ANAPC10: variants seen among roughly 807,000 people sequenced by gnomAD.
The protein encoded by ANAPC10 is anaphase-promoting complex subunit 10.
ANAPC10 carries 12 observed loss-of-function variants against 22.0 expected under a neutral mutation model. That is an observed-to-expected ratio of 0.55 (90% CI 0.35 to 0.88). The LOEUF (loss-of-function observed/expected upper bound fraction) is 0.88, where lower values mean the gene tolerates loss of function less well. ANAPC10 is among the 40% of genes least tolerant of loss of function. The pLI is 0.01. For synonymous variants in ANAPC10, 65 were observed against 69.5 expected (o/e 0.94, Z 0.32); for missense variants, 188 against 220.9 (o/e 0.85, Z 0.94).
chr4:145,035,106 T>C (rs900037127), intron 4 of ANAPC10: 3 of 152,246 alleles, frequency 2.0e-5, no homozygotes, highest in Admixed American at 2.0e-4. Context: ...ACACAAGAGT[T>C]CTTTTCATGC....
chr4:145,054,608 T>C (rs1741675365), intron 4 of ANAPC10, among the ~76,000 whole-genome samples: 2 of 22,136 alleles, frequency 9.0e-5, no homozygotes, highest in East Asian at 3.6e-3. Context: ...CTGAATAGTG[T>C]GTGTGTGTGT....
intron 4 of ANAPC10, among the ~76,000 whole-genome samples, chr4:145,055,265 TA>T (rs966251554): frequency 6.6e-6 from 1 of 151,696 alleles, no homozygotes; most frequent in Non-Finnish European, 1.5e-5. Context: ...CTTTGGTCTT[TA>T]AAAAAAAGGA....
chr4:145,013,270 A>G (rs1439973521), intron 4 of ANAPC10, among the ~76,000 whole-genome samples: 1 of 152,148 alleles, frequency 6.6e-6, no homozygotes, highest in African/African-American at 2.4e-5. Flanking sequence ...AATCTTTCTC[A>G]TGAGCACAAA....
At chr4:145,022,755 T>C (rs905925575) in intron 4 of ANAPC10, among the ~76,000 whole-genome samples, 9 of 151,394 alleles carry the variant, frequency 5.9e-5, no homozygotes, top group Admixed American at 3.3e-4. Context: ...ACTGGAATTG[T>C]TGGGTCATAG....
At chr4:145,014,836 A>C (rs927699024) in intron 4 of ANAPC10, among the ~76,000 whole-genome samples, 4 of 152,146 alleles carry the variant, frequency 2.6e-5, no homozygotes, top group Admixed American at 2.0e-4. Context: ...GAAGAGAGAC[A>C]ACAATCTCTA....
intron 2 of ANAPC10, among the ~76,000 whole-genome samples, chr4:145,085,149 C>T (rs1746673389): frequency 2.0e-5 from 3 of 152,132 alleles, no homozygotes; most frequent in South Asian, 2.1e-4. Flanking sequence ...TGATGGCACT[C>T]ATGTGGCTGA....
rs114327606 is a variant in ANAPC10 at position 145,041,548 on chromosome 4, G to A, written c.327+23024C>T. Among the ~76,000 whole-genome samples, 363 of 152,318 alleles carry A rather than the reference G, an allele frequency of 2.4e-3. 1 individual carries two copies. Among genetic ancestry groups the A allele is most frequent in the African/African-American group, 8.0e-3 (334 of 41,568 alleles). On this transcript the variant is annotated intron_variant, in intron 4 of 4. Coordinates refer to ENST00000507656, the MANE Select transcript of ANAPC10 (RefSeq NM_001256706.2). ...TTGGCAATCAAGAAACTCAGACATC[G>A]TAGGCCCTTAGAAAACTGACACATT... is the stretch of plus-strand genomic sequence containing the variant.
intron 4 of ANAPC10, among the ~76,000 whole-genome samples, chr4:145,031,590 A>G (rs1378777092): frequency 6.6e-6 from 1 of 152,208 alleles, no homozygotes; most frequent in Non-Finnish European, 1.5e-5. Context: ...AGTGGGGTCC[A>G]GAACAGGAGA....
intron 4 of ANAPC10, among the ~76,000 whole-genome samples, chr4:145,028,109 T>C (rs1737021877): frequency 6.6e-6 from 1 of 152,074 alleles, no homozygotes; most frequent in African/African-American, 2.4e-5. Flanking sequence ...TAATACCGAG[T>C]GTCAACTTAA....
intron 1 of ANAPC10, among the ~76,000 whole-genome samples, chr4:145,096,818 G>A (rs1748601873): frequency 6.6e-6 from 1 of 151,934 alleles, no homozygotes; most frequent in South Asian, 2.1e-4. Context: ...CCAAGTAGCT[G>A]GGATTACAGG....
chr4:144,998,826 G>T (rs563909241), intron 4 of ANAPC10, among the ~76,000 whole-genome samples: 20 of 152,044 alleles, frequency 1.3e-4, no homozygotes, highest in Admixed American at 7.9e-4. Flanking sequence ...ATGAATACAG[G>T]AGCTGGTTTT....
chr4:145,066,699 G>C (rs138674826), intron 3 of ANAPC10, among the ~76,000 whole-genome samples: 3 of 151,938 alleles, frequency 2.0e-5, no homozygotes, highest in Non-Finnish European at 4.4e-5. Context: ...TGGCCCAGAA[G>C]TAATGCTCTA....
At chr4:145,035,867 G>C (rs1738442729) in intron 4 of ANAPC10, among the ~76,000 whole-genome samples, 1 of 152,048 alleles carries the variant, frequency 6.6e-6, no homozygotes, top group South Asian at 2.1e-4. Flanking sequence ...ATACACCCCT[G>C]GTCTTCCTCA....
At chr4:144,997,905 A>T (rs1467707758) in intron 4 of ANAPC10, among the ~76,000 whole-genome samples, 3 of 152,224 alleles carry the variant, frequency 2.0e-5, no homozygotes, top group Non-Finnish European at 4.4e-5. Flanking sequence ...GCAAATGGAA[A>T]ACAAAAAAAA....
At chr4:145,073,417 AAGT>A (rs1744764051) in intron 3 of ANAPC10, among the ~76,000 whole-genome samples, 1 of 152,224 alleles carries the variant, frequency 6.6e-6, no homozygotes, top group South Asian at 2.1e-4. Flanking sequence ...GATTAAGCAA[AAGT>A]ATAAATGTCA....
chr4:145,065,516 A>C (rs1455137), intron 3 of ANAPC10, among the ~76,000 whole-genome samples: 42,323 of 151,872 alleles, frequency 0.28, 7,426 homozygotes, highest in Non-Finnish European at 0.38. Context: ...ATGCATTAAA[A>C]TACAGTAACA....
At chr4:145,007,256 T>C (rs113809479) in intron 4 of ANAPC10, among the ~76,000 whole-genome samples, 1,891 of 152,148 alleles carry the variant, frequency 0.012, 44 homozygotes, top group African/African-American at 0.042. Context: ...ACAAGGATAT[T>C]CAGGACTTGA....
chr4:145,004,068 G>A (rs184319726), intron 4 of ANAPC10, among the ~76,000 whole-genome samples: 2 of 151,390 alleles, frequency 1.3e-5, no homozygotes, highest in Admixed American at 6.6e-5. Flanking sequence ...CCTTGGTTAC[G>A]TGTATTCCTA....
chr4:145,052,553 T>G (rs1017924347), intron 4 of ANAPC10, among the ~76,000 whole-genome samples: 1 of 152,194 alleles, frequency 6.6e-6, no homozygotes, highest in Non-Finnish European at 1.5e-5. Flanking sequence ...GTTTCAATTA[T>G]AAATAACTAT....
Sources: gnomAD v4.1 joint callset for allele counts (sites outside exome capture counted in the v4.1 genomes callset) on GRCh38, gnomAD v4.1.1 for gene constraint, MANE v1.5 for transcripts, NCBI Gene and HGNC (gene_info 2026-07-23, HGNC 2026-07-21) for gene names.